The following SRPRB variants were observed in gnomAD, a reference collection of about 807,000 sequenced individuals.
The protein encoded by SRPRB is signal recognition particle receptor subunit beta.
SRPRB carries 20 observed loss-of-function variants against 31.9 expected under a neutral mutation model. The ratio of observed to expected loss-of-function variants is 0.63; its 90% CI spans 0.44 to 0.91. The LOEUF (loss-of-function observed/expected upper bound fraction) is 0.91. SRPRB is among the 40% of genes least tolerant of loss of function. SRPRB has a pLI of 0.00. For missense variants in SRPRB, 321 were observed against 324.9 expected, an observed-to-expected ratio of 0.99 and a Z score of 0.09; for synonymous variants, 146 against 132.8, an observed-to-expected ratio of 1.10 and a Z score of -0.68.
intron 1 of SRPRB, chr3:133,788,733 A>T (rs1337737161): frequency 5.3e-5 from 8 of 152,192 alleles, no homozygotes; most frequent in Non-Finnish European, 7.3e-5. Context: ...GCCATCCTGA[A>T]GGACTTTTTT....
chr3:133,810,554 C>T (rs901187999), intron 3 of SRPRB: 1 of 151,994 alleles, frequency 6.6e-6, no homozygotes, highest in Admixed American at 6.5e-5. Context: ...GGAGTTGGAA[C>T]AAGTAAATTA....
At chr3:133,790,379 A>G (rs1934802142) in intron 1 of SRPRB, 1 of 152,250 alleles carries the variant, frequency 6.6e-6, no homozygotes, top group African/African-American at 2.4e-5. Flanking sequence ...CTGTATACAA[A>G]ACATGCCAGA....
At chr3:133,788,491 T>G (rs1285593467) in intron 1 of SRPRB, 1 of 152,270 alleles carries the variant, frequency 6.6e-6, no homozygotes, top group Non-Finnish European at 1.5e-5. Context: ...CTTTCCTTGC[T>G]TTGTGTGTTT....
At chr3:133,798,408 G>A (rs1228022164) in intron 1 of SRPRB, among the ~76,000 whole-genome samples, 1 of 152,140 alleles carries the variant, frequency 6.6e-6, no homozygotes, top group African/African-American at 2.4e-5. Flanking sequence ...TCATGGCATA[G>A]AACTACTAAT....
Position 133,806,610 on chromosome 3 carries a change from C to T in SRPRB, c.156C>T (p.Val52=), listed in dbSNP as rs1935165262. The change falls in exon 2 of 7, where the codon GTC becomes GTT. Residue 52 remains valine (V), a splice_region_variant and synonymous_variant. Coordinates refer to ENST00000678299, the MANE Select transcript of SRPRB (RefSeq NM_001379313.1). The stretch of plus-strand genomic sequence containing the variant: ...TGTTTTTCTCTGTCTATTCCACAGT[C>T]TTCTGGAAGTTAATCCGGAGCAGAA... ...VAVLAVLLTL[V]FWKLIRSRRS... is the part of the protein sequence containing the mutation. 2 of 1,613,492 alleles carry T rather than the reference C, an allele frequency of 1.2e-6. No individual in the cohort carries two copies. The highest frequency in any genetic ancestry group is 1.7e-5 in the Admixed American group (1 of 60,014).
rs749760354 is a variant in SRPRB, at chr3:133,820,001, TC to T, written c.*238del. The T allele has an allele frequency of 1.8e-4, 90 of 494,330 alleles. No individual in the cohort carries two copies. The highest frequency in any genetic ancestry group is 3.0e-4 in the Non-Finnish European group (83 of 273,082). 30.6% of individuals were successfully genotyped at this position (494,330 alleles called of 1,614,324 possible). On this transcript the variant is annotated 3_prime_UTR_variant, in exon 7 of 7. Transcript: ENST00000678299. Reference sequence around the variant, plus strand: ...TACCTTTTATCTGATGCCTGTATCTTCCCTTTGTTAAGGTGTAACTTGATGT... The same window carrying T: ...TACCTTTTATCTGATGCCTGTATCTTCCTTTGTTAAGGTGTAACTTGATGT...
upstream of SRPRB, among the ~76,000 whole-genome samples, chr3:133,803,619 T>C (rs1178455841): frequency 6.6e-6 from 1 of 152,026 alleles, no homozygotes; most frequent in Non-Finnish European, 1.5e-5. Flanking sequence ...TCTATCTAGC[T>C]ACTCGCTGAC....
chr3:133,794,156 C>T (rs1221083736), intron 1 of SRPRB: 1 of 152,106 alleles, frequency 6.6e-6, no homozygotes, highest in Non-Finnish European at 1.5e-5. Context: ...TCATGGAGAA[C>T]CAGGATGGCC....
intron 1 of SRPRB, chr3:133,784,599 TTAAG>T (rs1412244933): frequency 3.3e-5 from 5 of 152,056 alleles, no homozygotes; most frequent in Admixed American, 3.3e-4. Context: ...TCCACGTTTA[TTAAG>T]TGAGTTAGAG....
chr3:133,803,561 T>G (rs1249618073), upstream of SRPRB, among the ~76,000 whole-genome samples: 1 of 152,186 alleles, frequency 6.6e-6, no homozygotes, highest in Non-Finnish European at 1.5e-5. Flanking sequence ...ATCTTCCTAA[T>G]ACAACCCTTA....
intron 1 of SRPRB, chr3:133,796,740 G>A (rs1217859756): frequency 1.3e-5 from 2 of 152,146 alleles, no homozygotes; most frequent in East Asian, 3.8e-4. Context: ...ACATATAGTG[G>A]ACAAAATTAA....
In SRPRB at chr3:133,819,987, T is replaced by C. The variant is rs1935442492; in HGVS notation, c.*221T>C. On this transcript the variant is annotated 3_prime_UTR_variant, in exon 7 of 7. Coordinates refer to ENST00000678299, the MANE Select transcript of SRPRB (RefSeq NM_001379313.1). ...GCCTTTCAAACAAGTACCTTTTATC[T>C]GATGCCTGTATCTTCCCTTTGTTAA... The C allele has an allele frequency of 1.9e-6, 1 of 526,050 alleles. No homozygotes were observed. Among genetic ancestry groups the C allele is most frequent in the Non-Finnish European group, 3.4e-6 (1 of 292,552 alleles). The allele number at this position is 526,050 out of a possible 1,614,324, so 32.6% of individuals were successfully genotyped here. A position where few individuals can be genotyped will look rare whatever the true frequency, so the allele number is the denominator to read the frequency against.
chr3:133,812,996 T>G (rs1935303025), intron 4 of SRPRB, among the ~76,000 whole-genome samples: 2 of 152,198 alleles, frequency 1.3e-5, no homozygotes, highest in Non-Finnish European at 2.9e-5. Flanking sequence ...ATGTTTTCAG[T>G]CTTTGTTCAT....
In SRPRB at chr3:133,788,822, A is replaced by T. The variant is rs1250949259; in HGVS notation, c.-174+4678A>T. 2.0e-5 allele frequency: 3 copies of T among 152,278 alleles called. No individual in the cohort carries two copies. The East Asian group carries it at 5.8e-4, about 29-fold the overall frequency. The allele number at this position is 152,278 out of a possible 1,614,324, so 9.4% of individuals were successfully genotyped here. A position where few individuals can be genotyped will look rare whatever the true frequency, so the allele number is the denominator to read the frequency against. On this transcript the variant is annotated intron_variant, in intron 1 of 7. Transcript: ENST00000466490. ...AACTTGCAGCTCAGGGTGAACTTGC[A>T]TGTGTTTCAGGCGACGGAAACCCTA...
At chr3:133,807,539 A>G (rs1935184443) in intron 2 of SRPRB, among the ~76,000 whole-genome samples, 1 of 152,192 alleles carries the variant, frequency 6.6e-6, no homozygotes, top group Non-Finnish European at 1.5e-5. Flanking sequence ...TCTTTTGAGA[A>G]TAATGTTGTT....
At chr3:133,807,287 T>G in intron 2 of SRPRB, among the ~76,000 whole-genome samples, 1 of 132,258 alleles carries the variant, frequency 7.6e-6, no homozygotes, top group East Asian at 2.4e-4. Context: ...AGTGTCTCAC[T>G]CCAATGCCCA....
At chr3:133,784,283 C>T (rs2107942443) in intron 1 of SRPRB, 1 of 152,158 alleles carries the variant, frequency 6.6e-6, no homozygotes, top group Admixed American at 6.5e-5. Context: ...AGGCCCACCA[C>T]CCTTTAGGAA....
Position 133,815,657 on chromosome 3 carries a change from T to TA in SRPRB, c.479dup (p.Tyr160Ter). 3.1e-6 allele frequency: 5 copies of TA among 1,614,092 alleles called. No individual in the cohort carries two copies. Among genetic ancestry groups the TA allele is most frequent in the Non-Finnish European group, 4.2e-6 (5 of 1,180,016 alleles). Reference sequence around the variant, plus strand: ...GGTGAAAGATGTGGCTGAGTTTCTGTATCAAGTCCTCATTGACAGTATGGG... The same window carrying TA: ...GGTGAAAGATGTGGCTGAGTTTCTGTAATCAAGTCCTCATTGACAGTATGGG... ...REVKDVAEFLYQVLIDSMGLK... is the reference protein window; with the variant it reads ...REVKDVAEFL Residue 160 changes from tyrosine to a stop codon, truncating the protein, a stop_gained and frameshift_variant, in exon 5 of 7, where the codon TAT (tyrosine) becomes TAAT (stop). Coordinates refer to ENST00000678299, the MANE Select transcript of SRPRB (RefSeq NM_001379313.1). LOFTEE classifies it high-confidence loss of function.
intron 2 of SRPRB, among the ~76,000 whole-genome samples, 187 bp downstream of exon 2, chr3:133,806,890 C>T (rs1477263663): frequency 6.6e-6 from 1 of 151,922 alleles, no homozygotes; most frequent in African/African-American, 2.4e-5. Flanking sequence ...TTGGTCATTT[C>T]TCCTTTTTTT....
Sources: gnomAD v4.1 joint callset for allele counts (sites outside exome capture counted in the v4.1 genomes callset) on GRCh38, gnomAD v4.1.1 for gene constraint, MANE v1.5 for transcripts, NCBI Gene and HGNC (gene_info 2026-07-23, HGNC 2026-07-21) for gene names.